The following XKR6 variants were observed in gnomAD, a reference collection of about 807,000 sequenced individuals.
The protein encoded by XKR6 is XK related 6.
XKR6 carries 22 observed loss-of-function variants against 56.7 expected under a neutral mutation model. The observed-to-expected ratio is 0.39, with a 90% CI of 0.28 to 0.55. XKR6 has a LOEUF of 0.55. Ranked by LOEUF, XKR6 falls within the 20% of genes least tolerant of loss-of-function variation. The pLI is 0.66. For synonymous variants in XKR6, 524 were observed against 387.8 expected (o/e 1.35, Z -4.13); for missense variants, 852 against 889.0 (o/e 0.96, Z 0.53).
At chr8:10,981,035 C>A (rs9694692) in intron 1 of XKR6, among the ~76,000 whole-genome samples, 2,696 of 152,190 alleles carry the variant, frequency 0.018, 79 homozygotes, top group African/African-American at 0.06. Context: ...GGTCAAAATA[C>A]CAGGTAGCTG....
At chr8:11,077,544 C>A (rs1800306572) in intron 1 of XKR6, among the ~76,000 whole-genome samples, 1 of 152,188 alleles carries the variant, frequency 6.6e-6, no homozygotes, top group South Asian at 2.1e-4. Context: ...AGGCAAAGGC[C>A]TGATGCTTCA....
chr8:11,177,641 C>T (rs778583216), intron 1 of XKR6, among the ~76,000 whole-genome samples: 16 of 152,178 alleles, frequency 1.1e-4, no homozygotes, highest in African/African-American at 3.4e-4. Context: ...TGGACATACA[C>T]GCAGAGGGAA....
rs111956829 is a variant in XKR6, at chr8:11,164,126, G to T, written c.764+36450C>A. Among the ~76,000 whole-genome samples, 603 of 152,270 alleles carry T rather than the reference G, an allele frequency of 4.0e-3. 4 individuals are homozygous for T. The highest frequency in any genetic ancestry group is 0.024 in the Middle Eastern group (7 of 294). On this transcript the variant is annotated intron_variant, in intron 1 of 2. Coordinates refer to ENST00000416569, the MANE Select transcript of XKR6 (RefSeq NM_173683.4). Reference sequence around the variant, plus strand: ...ACTACTTCCTACCCACTTCCCTTCTGGGTCTGCCTATTCACTGCCAGAAAG... The same window carrying T: ...ACTACTTCCTACCCACTTCCCTTCTTGGTCTGCCTATTCACTGCCAGAAAG...
chr8:11,160,397 A>G (rs1214026974), intron 1 of XKR6, among the ~76,000 whole-genome samples: 1 of 152,174 alleles, frequency 6.6e-6, no homozygotes, highest in East Asian at 1.9e-4. Flanking sequence ...TGGGGAAAAA[A>G]AAAAGGAATA....
intron 1 of XKR6, among the ~76,000 whole-genome samples, chr8:11,169,216 C>G (rs1004152360): frequency 6.6e-6 from 1 of 152,196 alleles, no homozygotes; most frequent in African/African-American, 2.4e-5. Context: ...GAGCTTTCTT[C>G]TTTTGCTTAT....
chr8:11,117,417 A>C (rs1436826609), intron 1 of XKR6, among the ~76,000 whole-genome samples: 3 of 152,212 alleles, frequency 2.0e-5, no homozygotes, highest in African/African-American at 4.8e-5. Context: ...CACATTTATC[A>C]GTCAGAAAAT....
chr8:11,061,754 T>G (rs549763077), intron 1 of XKR6, among the ~76,000 whole-genome samples: 4 of 152,176 alleles, frequency 2.6e-5, no homozygotes, highest in African/African-American at 9.6e-5. Context: ...GCCAGCCCAT[T>G]AAACCCACTT....
intron 1 of XKR6, among the ~76,000 whole-genome samples, chr8:11,086,197 T>G (rs1412379108): frequency 6.6e-6 from 1 of 151,598 alleles, no homozygotes; most frequent in African/African-American, 2.4e-5. Context: ...ATCCAGATTC[T>G]TGCTAATGCA....
At chr8:11,196,187 AC>A (rs767079769) in intron 1 of XKR6, among the ~76,000 whole-genome samples, 8 of 152,174 alleles carry the variant, frequency 5.3e-5, no homozygotes, top group Non-Finnish European at 8.8e-5. Flanking sequence ...CATTAGAGGG[AC>A]ATTACAGATC....
chr8:11,068,823 C>A (rs1273410467), intron 1 of XKR6, among the ~76,000 whole-genome samples: 1 of 149,798 alleles, frequency 6.7e-6, no homozygotes, highest in East Asian at 1.9e-4. Flanking sequence ...TGGGCCCTGC[C>A]CCCTCGGTGC....
intron 1 of XKR6, among the ~76,000 whole-genome samples, chr8:11,193,502 G>A (rs2409728): frequency 6.6e-6 from 1 of 152,188 alleles, no homozygotes; most frequent in African/African-American, 2.4e-5. Flanking sequence ...TGTAACAATA[G>A]CCACTGAATT....
At chr8:11,104,847 G>C (rs1346691699) in intron 1 of XKR6, 1 of 152,186 alleles carries the variant, frequency 6.6e-6, no homozygotes, top group African/African-American at 2.4e-5. Flanking sequence ...CTAAATGCCT[G>C]TATTGCAGTG....
At chr8:11,052,178 G>A (rs1023596352) in intron 1 of XKR6, among the ~76,000 whole-genome samples, 3 of 152,102 alleles carry the variant, frequency 2.0e-5, no homozygotes, top group African/African-American at 7.2e-5. Context: ...CCCCAGGGGA[G>A]CTGCGCTTGG....
At chr8:11,038,012 G>C (rs1165179191) in intron 1 of XKR6, among the ~76,000 whole-genome samples, 1 of 136,848 alleles carries the variant, frequency 7.3e-6, no homozygotes, top group Non-Finnish European at 1.5e-5. Flanking sequence ...GGGCAACAGA[G>C]TCAGATATAT....
intron 2 of XKR6, among the ~76,000 whole-genome samples, chr8:10,907,284 G>T (rs1465716754): frequency 1.3e-5 from 2 of 152,202 alleles, no homozygotes; most frequent in Non-Finnish European, 2.9e-5. Flanking sequence ...TAACGTAAGT[G>T]AGTGGGCCAA....
At chr8:11,054,117 G>A (rs1045115213) in intron 1 of XKR6, among the ~76,000 whole-genome samples, 1 of 152,228 alleles carries the variant, frequency 6.6e-6, no homozygotes, top group African/African-American at 2.4e-5. Context: ...TTCCAAGCAT[G>A]CACTGTCATG....
At chr8:11,095,711 A>C (rs532570852) in intron 1 of XKR6, among the ~76,000 whole-genome samples, 10 of 152,342 alleles carry the variant, frequency 6.6e-5, no homozygotes, top group African/African-American at 2.2e-4. Flanking sequence ...TTGTGGGCTT[A>C]TGGAAGGTCT....
At chr8:11,131,823 T>C (rs557078250) in intron 1 of XKR6, among the ~76,000 whole-genome samples, 1 of 152,320 alleles carries the variant, frequency 6.6e-6, no homozygotes, top group East Asian at 1.9e-4. Context: ...TAGAGTAACG[T>C]GCTATACAGG....
chr8:10,901,049 C>G (rs1024672859), intron 2 of XKR6, among the ~76,000 whole-genome samples: 1 of 125,116 alleles, frequency 8.0e-6, no homozygotes, highest in Non-Finnish European at 1.7e-5. Flanking sequence ...GACAGAGTTT[C>G]TACTTCTTTT....
Sources: allele counts gnomAD v4.1 joint callset (sites outside exome capture counted in the v4.1 genomes callset), GRCh38; gene constraint gnomAD v4.1.1; transcripts MANE v1.5; gene names NCBI Gene and HGNC (gene_info 2026-07-23, HGNC 2026-07-21).